CRLS1: variants seen among roughly 807,000 people sequenced by gnomAD.
CRLS1 encodes cardiolipin synthase (CMP-forming).
A neutral mutation model predicts 37.0 loss-of-function variants in CRLS1; 24 were observed. The observed-to-expected ratio is 0.65, with a 90% CI of 0.47 to 0.91. The LOEUF (loss-of-function observed/expected upper bound fraction) is 0.91. Ranked by LOEUF, CRLS1 falls within the 40% of genes least tolerant of loss-of-function variation. CRLS1 has a pLI of 0.00. For synonymous variants in CRLS1, 135 were observed against 159.7 expected (o/e 0.85, Z 1.17); for missense variants, 373 against 395.8 (o/e 0.94, Z 0.49).
intron 3 of CRLS1, 40 bp downstream of exon 3, chr20:6,015,530 A>G (rs1171675335): frequency 6.3e-7 from 1 of 1,594,606 alleles, no homozygotes; most frequent in Admixed American, 1.7e-5. Flanking sequence ...AGCACAGGGA[A>G]GAATGACATT....
In CRLS1 at chr20:6,015,415, G is replaced by A; in HGVS notation, c.499G>A (p.Ala167Thr). The change falls in exon 3 of 7, where the codon GCT becomes ACT. Residue 167 changes from alanine (A) to threonine (T), a missense_variant. Coordinates refer to ENST00000378863, the MANE Select transcript of CRLS1 (RefSeq NM_019095.6). ...CAATCAAAGATCAGCTTTGGGAAGT[G>A]CTCTTGATCCACTTGCTGATAAAAT... ...WANQRSALGSALDPLADKILI... is the reference protein window; with the variant it reads ...WANQRSALGSTLDPLADKILI... 1.9e-6 allele frequency: 3 copies of A among 1,611,428 alleles called. No individual in the cohort carries two copies. Among genetic ancestry groups the A allele is most frequent in the Non-Finnish European group, 2.5e-6 (3 of 1,178,182 alleles).
chr20:6,006,831 A>G (rs1001045682), intron 1 of CRLS1: 4 of 984,760 alleles, frequency 4.1e-6, no homozygotes, highest in Non-Finnish European at 4.8e-6. Context: ...TTGCATTGAT[A>G]AAGGTAGCCT....
Position 6,031,363 on chromosome 20 carries a change from C to T in CRLS1, c.653C>T (p.Pro218Leu), listed in dbSNP as rs755027777. 11 of 1,600,062 alleles carry T rather than the reference C, an allele frequency of 6.9e-6. No individual in the cohort carries two copies. Among genetic ancestry groups the T allele is most frequent in the Non-Finnish European group, 9.4e-6 (11 of 1,171,748 alleles). ...AVFYVRYRTL[P>L]TPRTLAKYFN... ...TTTTATGTCAGATACCGAACTCTTC[C>T]AACACCAGTGAGTTTGTTTCCAAAA... The change falls in exon 4 of 7, where the codon CCA becomes CTA. Residue 218 changes from proline (P) to leucine (L), a missense_variant. Pro to Leu is a moderately conservative substitution (Grantham distance 98). Coordinates refer to ENST00000378863, the MANE Select transcript of CRLS1 (RefSeq NM_019095.6).
At chr20:6,034,689 T>C in intron 6 of CRLS1, 134 bp downstream of exon 6, 1 of 650,760 alleles carries the variant, frequency 1.5e-6, no homozygotes, top group South Asian at 1.9e-5. Flanking sequence ...TGGTGATTGA[T>C]ACCATTGTTA....
In CRLS1 at chr20:6,006,442, C is replaced by T; in HGVS notation, c.196C>T (p.Arg66Trp). Residue 66 changes from arginine to tryptophan, a missense_variant, in exon 1 of 7, where the codon CGG (arginine) becomes TGG (tryptophan). Transcript: ENST00000378863. ...CTTGCGGCTGCCCGGGATCGGCCAGCGGAACCACTGTTCGGGCGCGGGGAA... is the reference window on the plus strand; with the variant it reads ...CTTGCGGCTGCCCGGGATCGGCCAGTGGAACCACTGTTCGGGCGCGGGGAA... ...LGLRLPGIGQ[R>W]NHCSGAGKAA... is the part of the protein sequence containing the mutation. 1 of 1,407,184 alleles carries T rather than the reference C, an allele frequency of 7.1e-7. No individual in the cohort carries two copies. Among genetic ancestry groups the T allele is most frequent in the South Asian group, 1.5e-5 (1 of 66,406 alleles). The allele number at this position is 1,407,184 out of a possible 1,614,324, so 87.2% of individuals were successfully genotyped here. A position where few individuals can be genotyped will look rare whatever the true frequency, so the allele number is the denominator to read the frequency against.
chr20:6,021,155 C>T (rs1278182479), intron 3 of CRLS1, among the ~76,000 whole-genome samples: 1 of 151,796 alleles, frequency 6.6e-6, no homozygotes, highest in East Asian at 1.9e-4. Flanking sequence ...CAGCCTCTGC[C>T]ACCTGGGTCC....
intron 3 of CRLS1, among the ~76,000 whole-genome samples, chr20:6,020,195 G>A (rs1232653810): frequency 6.6e-6 from 1 of 152,100 alleles, no homozygotes; most frequent in East Asian, 1.9e-4. Context: ...TTTGAGCAGT[G>A]CAGCTATAAG....
At chr20:6,022,474 G>T (rs544789339) in intron 3 of CRLS1, among the ~76,000 whole-genome samples, 11 of 151,842 alleles carry the variant, frequency 7.2e-5, no homozygotes, top group Admixed American at 6.6e-4. Flanking sequence ...GAGTAGCTGG[G>T]ACTACAGGTG....
Position 6,006,263 on chromosome 20 carries a change from T to A in CRLS1, c.17T>A (p.Val6Glu). The A allele has an allele frequency of 2.4e-6, 3 of 1,250,494 alleles. No homozygotes were observed. Among genetic ancestry groups the A allele is most frequent in the Non-Finnish European group, 3.0e-6 (3 of 1,000,868 alleles). 77.5% of individuals were successfully genotyped at this position (1,250,494 alleles called of 1,614,324 possible). The change falls in exon 1 of 7, where the codon GTG becomes GAG. Residue 6 changes from valine (V) to glutamate (E), a missense_variant. Physicochemically the swap from Val to Glu is moderately radical, Grantham distance 121. Transcript: ENST00000378863. ...CGCAGGGCCATGCTAGCCTTGCGCG[T>A]GGCGCGCGGCTCGTGGGGGGCCCTG... MLALR[V>E]ARGSWGALRG...
At chr20:6,020,700 G>A (rs1385505432) in intron 3 of CRLS1, among the ~76,000 whole-genome samples, 1 of 151,188 alleles carries the variant, frequency 6.6e-6, no homozygotes, top group Admixed American at 6.6e-5. Flanking sequence ...TTGGCTCACT[G>A]CAAGCTCTGC....
At chr20:6,030,103 C>G (rs1281729650) in intron 3 of CRLS1, among the ~76,000 whole-genome samples, 1 of 151,102 alleles carries the variant, frequency 6.6e-6, no homozygotes, top group Non-Finnish European at 1.5e-5. Flanking sequence ...GCTGTTGGAA[C>G]CGAGTGTTTG....
At position 6,006,352 on chromosome 20, in the gene CRLS1, C is replaced by A; in HGVS notation, c.106C>A (p.Pro36Thr). 1 of 1,383,352 alleles carries A rather than the reference C, an allele frequency of 7.2e-7. No individual in the cohort carries two copies. Among genetic ancestry groups the A allele is most frequent in the Non-Finnish European group, 9.4e-7 (1 of 1,065,410 alleles). 85.7% of individuals were successfully genotyped at this position (1,383,352 alleles called of 1,614,324 possible). Residue 36 changes from proline (P) to threonine (T), a missense_variant, in exon 1 of 7, where the codon CCG becomes ACG. Coordinates refer to ENST00000378863, the MANE Select transcript of CRLS1 (RefSeq NM_019095.6). ...SKRRACWALLPPVPCCLGCLA... is the reference protein window; with the variant it reads ...SKRRACWALLTPVPCCLGCLA... ...GCGACGCGCCTGCTGGGCCCTGCTG[C>A]CGCCCGTGCCCTGCTGCTTGGGCTG...
In CRLS1 at chr20:6,006,167, C is replaced by T. The variant is rs2090050516; in HGVS notation, c.-80C>T. 5 of 797,680 alleles carry T rather than the reference C, an allele frequency of 6.3e-6. No homozygotes were observed. The highest frequency in any genetic ancestry group is 8.4e-6 in the Non-Finnish European group (5 of 598,124). The allele number at this position is 797,680 out of a possible 1,614,324, so 49.4% of individuals were successfully genotyped here. A position where few individuals can be genotyped will look rare whatever the true frequency, so the allele number is the denominator to read the frequency against. ...CCCAGTGTCTGAGTGGTTGCCGGGT[C>T]TCCATGGAGAAGCGGCTCGCCAGTG... On this transcript the variant is annotated 5_prime_UTR_variant, in exon 1 of 7. Coordinates refer to ENST00000378863, the MANE Select transcript of CRLS1 (RefSeq NM_019095.6).
At position 6,009,902 on chromosome 20, in the gene CRLS1, T is replaced by C. The variant is rs1375301854; in HGVS notation, c.434T>C (p.Leu145Pro). The change falls in exon 2 of 7, where the codon CTA becomes CCA. Residue 145 changes from leucine to proline, a missense_variant. Leu to Pro is a moderately conservative substitution (Grantham distance 98). Coordinates refer to ENST00000378863, the MANE Select transcript of CRLS1 (RefSeq NM_019095.6). ...IALGVFALAG[L>P]TDLLDGFIAR... ...CTAGGAGTTTTTGCTTTAGCTGGAC[T>C]AACAGATTTGGTAAGTTGTAAATGC... The C allele has an allele frequency of 6.2e-7, 1 of 1,613,800 alleles. No homozygotes were observed. The highest frequency in any genetic ancestry group is 8.5e-7 in the Non-Finnish European group (1 of 1,179,836).
intron 1 of CRLS1, among the ~76,000 whole-genome samples, chr20:6,008,292 C>T (rs2090086910): frequency 6.6e-6 from 1 of 152,110 alleles, no homozygotes; most frequent in East Asian, 1.9e-4. Flanking sequence ...GTGGAATTGG[C>T]AGTCTTGACA....
chr20:6,013,246 A>C (rs1978478318), intron 2 of CRLS1, among the ~76,000 whole-genome samples: 1 of 140,958 alleles, frequency 7.1e-6, no homozygotes, highest in Non-Finnish European at 1.5e-5. Context: ...TTTTGAGATA[A>C]ATCTCGTGTT....
chr20:6,008,912 G>C (rs1257261480), intron 1 of CRLS1, among the ~76,000 whole-genome samples: 9 of 152,120 alleles, frequency 5.9e-5, no homozygotes, highest in Admixed American at 5.9e-4. Context: ...AGATCTTCCT[G>C]AAGTTTCACC....
chr20:6,023,956 T>A, intron 3 of CRLS1, among the ~76,000 whole-genome samples: 1 of 13,494 alleles, frequency 7.4e-5, no homozygotes, highest in East Asian at 1.1e-3. Context: ...TCTGTCACAT[T>A]TTTTTTTTTT....
chr20:6,019,513 T>C (rs1354805900), intron 3 of CRLS1, among the ~76,000 whole-genome samples: 1 of 11,756 alleles, frequency 8.5e-5, no homozygotes, highest in Non-Finnish European at 1.4e-4. Context: ...TTTTTGTCCC[T>C]TTTTTTTTTT....
Sources: gnomAD v4.1 joint callset for allele counts (sites outside exome capture counted in the v4.1 genomes callset) on GRCh38, gnomAD v4.1.1 for gene constraint, MANE v1.5 for transcripts, NCBI Gene and HGNC (gene_info 2026-07-23, HGNC 2026-07-21) for gene names.